MFAP3L: variants seen among roughly 807,000 people sequenced by gnomAD.
The protein encoded by MFAP3L is microfibril associated protein 3 like.
In MFAP3L, 5 loss-of-function variants were observed where a neutral mutation model predicts 20.0. That is an observed-to-expected ratio of 0.25 (90% CI 0.13 to 0.53). MFAP3L has a LOEUF of 0.53. Ranked by LOEUF, MFAP3L falls within the 20% of genes least tolerant of loss-of-function variation. The pLI, the probability that MFAP3L is intolerant of heterozygous loss-of-function variation, is 0.96. For synonymous variants in MFAP3L, 219 were observed against 213.0 expected, an observed-to-expected ratio of 1.03 and a Z score of -0.25; for missense variants, 409 against 527.5, an observed-to-expected ratio of 0.78 and a Z score of 2.20.
rs1030786703 is a variant in MFAP3L at position 170,005,839 on chromosome 4, T to C, written c.39A>G (p.Leu13=). 1 of 1,614,120 alleles carries C rather than the reference T, an allele frequency of 6.2e-7. No individual in the cohort carries two copies. The highest frequency in any genetic ancestry group is 8.5e-7 in the Non-Finnish European group (1 of 1,180,020). The change falls in exon 2 of 3, where the codon CTA becomes CTG. Residue 13 remains leucine (L), a synonymous_variant. Coordinates refer to ENST00000361618, the MANE Select transcript of MFAP3L (RefSeq NM_021647.8). Reference sequence around the variant, plus strand: ...CTAGGATTAAAAAGGGCACAGAAGGTAGAAAGCACACAGTCAGATGGCTCT... The same window carrying C: ...CTAGGATTAAAAAGGGCACAGAAGGCAGAAAGCACACAGTCAGATGGCTCT... ...RLKSHLTVCF[L]PSVPFLILVS...
rs75207623 is a variant in MFAP3L at position 169,996,136 on chromosome 4, C to T, written c.299-3827G>A. On this transcript the variant is annotated intron_variant, in intron 2 of 2. Coordinates refer to ENST00000361618, the MANE Select transcript of MFAP3L (RefSeq NM_021647.8). The stretch of plus-strand genomic sequence containing the variant: ...ACACGCTGCAGGACAAAGGCTGCTG[C>T]ATCTCACATCTCCTGGAGACCAGAA... 8.1e-3 allele frequency among the ~76,000 whole-genome samples: 1,187 copies of T among 145,678 alleles called. 16 individuals carry two copies. Among genetic ancestry groups the T allele is most frequent in the African/African-American group, 0.032 (1,137 of 35,484 alleles).
At chr4:170,017,022 T>C (rs1739741602) in intron 1 of MFAP3L, among the ~76,000 whole-genome samples, 1 of 152,202 alleles carries the variant, frequency 6.6e-6, no homozygotes, top group African/African-American at 2.4e-5. Flanking sequence ...TGTCGCACAG[T>C]CCCTCATTCC....
rs889978616 is a variant in MFAP3L at position 169,991,185 on chromosome 4, C to A, written c.*193G>T. 7 of 616,238 alleles carry A rather than the reference C, an allele frequency of 1.1e-5. No individual in the cohort carries two copies. In the African/African-American group the frequency reaches 1.3e-4, roughly 11 times the overall value. 38.2% of individuals were successfully genotyped at this position (616,238 alleles called of 1,614,324 possible). A position where few individuals can be genotyped will look rare whatever the true frequency, so the allele number is the denominator to read the frequency against. On this transcript the variant is annotated 3_prime_UTR_variant, in exon 3 of 3. Transcript: ENST00000361618. This position sits in a 1 kb window ranked among gnomAD's most constrained non-coding sequence, Gnocchi z 4.9. ...GTATCAATTCTGCACCCTGATGTTT[C>A]TCGCACCCTTCTCTACTGGGGAAAT...
At chr4:170,001,433 C>T (rs770201745) in intron 2 of MFAP3L, among the ~76,000 whole-genome samples, 3 of 152,124 alleles carry the variant, frequency 2.0e-5, no homozygotes, top group Non-Finnish European at 4.4e-5. Flanking sequence ...AAAACAAATC[C>T]ACAGGAAAAG....
At chr4:170,027,274 G>C (rs972405079), upstream of MFAP3L, 1 of 146,270 alleles carries the variant, frequency 6.8e-6, no homozygotes, top group Non-Finnish European at 1.5e-5. Flanking sequence ...TCAATTTCTG[G>C]GGCGGGACCA....
intron 1 of MFAP3L, among the ~76,000 whole-genome samples, chr4:170,016,359 G>C (rs1052797025): frequency 3.3e-5 from 5 of 152,114 alleles, no homozygotes; most frequent in Non-Finnish European, 7.4e-5. Flanking sequence ...ATCCTGAAAT[G>C]GGTAAACCCC....
intron 1 of MFAP3L, among the ~76,000 whole-genome samples, chr4:170,023,122 C>A (rs1740140228): frequency 6.6e-6 from 1 of 152,132 alleles, no homozygotes; most frequent in African/African-American, 2.4e-5. Flanking sequence ...CATGACTTTT[C>A]CCATGGAAAT....
Position 169,988,751 on chromosome 4 carries a change from T to C in MFAP3L, c.*2627A>G, listed in dbSNP as rs1737452367. ...CCCATTTTAAGTCAACCTCCCTTTA[T>C]GTCAGTTGTTATCAAAACCGAGAGC... On this transcript the variant is annotated 3_prime_UTR_variant, in exon 3 of 3. Transcript: ENST00000361618. 6.6e-6 allele frequency: 1 copy of C among 152,214 alleles called. No individual in the cohort carries two copies. The highest frequency in any genetic ancestry group is 2.4e-5 in the African/African-American group (1 of 41,450). 9.4% of individuals were successfully genotyped at this position (152,214 alleles called of 1,614,324 possible).
chr4:170,005,274 T>C (rs1221536631), intron 2 of MFAP3L: 10 of 411,800 alleles, frequency 2.4e-5, no homozygotes, highest in Middle Eastern at 6.1e-4. Flanking sequence ...AAATTGAATA[T>C]ATTATTTAGG....
At chr4:170,025,482 G>A (rs1581537634) in intron 1 of MFAP3L, among the ~76,000 whole-genome samples, 1 of 152,298 alleles carries the variant, frequency 6.6e-6, no homozygotes, top group East Asian at 1.9e-4. Flanking sequence ...AATGTGAGCA[G>A]ATAATACACC....
At chr4:170,006,312 C>T (rs1426473226) in intron 1 of MFAP3L, among the ~76,000 whole-genome samples, 1 of 151,972 alleles carries the variant, frequency 6.6e-6, no homozygotes, top group Non-Finnish European at 1.5e-5. Context: ...GAGGTTTCAC[C>T]GTGTTGGCCA....
At chr4:170,006,175 C>T (rs984832699) in intron 1 of MFAP3L, among the ~76,000 whole-genome samples, 165 bp from the exon 2 acceptor site, 3 of 149,488 alleles carry the variant, frequency 2.0e-5, no homozygotes, top group South Asian at 2.1e-4. Flanking sequence ...TGCAGTGGGG[C>T]GATCTTGGCT....
chr4:170,013,818 C>A lies in MFAP3L; in HGVS notation c.-133-7808G>T, dbSNP rs1159801877. Among the ~76,000 whole-genome samples the A allele has an allele frequency of 2.6e-5, 4 of 152,204 alleles. No homozygotes were observed. The East Asian group carries it at 7.7e-4, about 29-fold the overall frequency. Reference sequence around the variant, plus strand: ...TCATTCATATATTAAGATAGCATCTCACTGTTACCCAGGCTGGAGTGCAGT... The same window carrying A: ...TCATTCATATATTAAGATAGCATCTAACTGTTACCCAGGCTGGAGTGCAGT... On this transcript the variant is annotated intron_variant, in intron 1 of 2. Coordinates refer to ENST00000361618, the MANE Select transcript of MFAP3L (RefSeq NM_021647.8).
At chr4:170,026,945 A>G (rs1370090875), upstream of MFAP3L, 1 of 152,156 alleles carries the variant, frequency 6.6e-6, no homozygotes, top group Non-Finnish European at 1.5e-5. Context: ...ACTGCGCTGT[A>G]AGTCTTAAAC....
At chr4:170,005,545 TTTA>T (rs1738973447) in intron 2 of MFAP3L, 32 bp downstream of exon 2, 5 of 1,596,436 alleles carry the variant, frequency 3.1e-6, no homozygotes, top group Non-Finnish European at 4.3e-6. Context: ...CTGTTTATAT[TTTA>T]TTATGACATT....
intron 1 of MFAP3L, among the ~76,000 whole-genome samples, chr4:170,010,416 G>T (rs1232714822): frequency 1.3e-5 from 2 of 152,022 alleles, no homozygotes; most frequent in Non-Finnish European, 2.9e-5. Context: ...CCACTTACAT[G>T]CAGGTTTTTT....
At chr4:170,016,220 C>T (rs765377095) in intron 1 of MFAP3L, among the ~76,000 whole-genome samples, 7 of 152,118 alleles carry the variant, frequency 4.6e-5, no homozygotes, top group Non-Finnish European at 8.8e-5. Flanking sequence ...TCCAGCAGTT[C>T]GTCATTCAGT....
At chr4:170,020,075 G>C (rs1299967236) in intron 1 of MFAP3L, among the ~76,000 whole-genome samples, 1 of 152,042 alleles carries the variant, frequency 6.6e-6, no homozygotes, top group East Asian at 1.9e-4. Flanking sequence ...CTGTGTGTGG[G>C]GCTTTGCAGC....
chr4:170,020,272 T>C (rs1196786528), intron 1 of MFAP3L, among the ~76,000 whole-genome samples: 1 of 152,112 alleles, frequency 6.6e-6, no homozygotes, highest in Middle Eastern at 3.2e-3. Context: ...TATAAAGACA[T>C]TGTTTAAAAT....
Sources: gnomAD v4.1 joint callset for allele counts (sites outside exome capture counted in the v4.1 genomes callset) on GRCh38, gnomAD v4.1.1 for gene constraint, Gnocchi (gnomAD v3.1) non-coding constraint, MANE v1.5 for transcripts, NCBI Gene and HGNC (gene_info 2026-07-23, HGNC 2026-07-21) for gene names.